COPS3: variants seen among roughly 807,000 people sequenced by gnomAD.
COPS3 encodes COP9 signalosome subunit 3.
In COPS3, 10 loss-of-function variants were observed where a neutral mutation model predicts 58.2. That is an observed-to-expected ratio of 0.17 (90% CI 0.11 to 0.29). The LOEUF is 0.29. Among genes scored for constraint, COPS3 ranks in the 10% least tolerant of loss-of-function variants. COPS3 has a pLI of 1.00. For synonymous variants in COPS3, 187 were observed against 181.7 expected, an observed-to-expected ratio of 1.03 and a Z score of -0.24; for missense variants, 333 against 510.1, an observed-to-expected ratio of 0.65 and a Z score of 3.34.
chr17:17,280,555 AG>A (rs1597712286), intron 1 of COPS3: 2 of 1,261,814 alleles, frequency 1.6e-6, no homozygotes, highest in South Asian at 1.3e-5. Context: ...AAAACAAAGA[AG>A]AAGAAATGGA....
At chr17:17,253,864 G>A (rs1256427187) in intron 9 of COPS3, among the ~76,000 whole-genome samples, 2 of 152,012 alleles carry the variant, frequency 1.3e-5, no homozygotes, top group African/African-American at 2.4e-5. Flanking sequence ...AAATATAGCC[G>A]CCTGTAATAC....
chr17:17,281,055 C>A (rs1597713879), intron 1 of COPS3, 77 bp downstream of exon 1: 1 of 1,494,496 alleles, frequency 6.7e-7, no homozygotes. Context: ...CTGTTCCAGC[C>A]GTCCGTGCTG....
intron 8 of COPS3, among the ~76,000 whole-genome samples, chr17:17,258,898 G>A (rs1334767825): frequency 6.6e-6 from 1 of 151,988 alleles, no homozygotes; most frequent in Non-Finnish European, 1.5e-5. Flanking sequence ...TTCTATTCTA[G>A]AAGCTATGGC....
At chr17:17,279,679 T>C (rs1456700790) in intron 1 of COPS3, among the ~76,000 whole-genome samples, 1 of 152,208 alleles carries the variant, frequency 6.6e-6, no homozygotes, top group Non-Finnish European at 1.5e-5. Context: ...TCCTAGAACT[T>C]TGCAATTAAT....
intron 2 of COPS3, 128 bp from the exon 3 acceptor site, chr17:17,271,136 G>T: frequency 1.3e-6 from 1 of 746,756 alleles, no homozygotes; most frequent in Non-Finnish European, 2.3e-6. Context: ...GTATTTTTTA[G>T]AATTAAGAAC....
chr17:17,258,347 G>A (rs188842867), intron 8 of COPS3, among the ~76,000 whole-genome samples: 122 of 152,302 alleles, frequency 8.0e-4, no homozygotes, highest in Non-Finnish European at 1.2e-3. Flanking sequence ...CCCCCAGACT[G>A]GAGTGCAGTG....
intron 11 of COPS3, 135 bp downstream of exon 11, chr17:17,247,345 G>T: frequency 1.0e-6 from 1 of 957,834 alleles, no homozygotes; most frequent in Non-Finnish European, 1.6e-6. Flanking sequence ...CTCTCAACTA[G>T]TATTTCTCCA....
intron 1 of COPS3, among the ~76,000 whole-genome samples, chr17:17,278,851 G>A (rs888849736): frequency 6.6e-6 from 1 of 151,206 alleles, no homozygotes; most frequent in African/African-American, 2.4e-5. Context: ...TGTAACCAGA[G>A]ATGTGGCCAA....
Position 17,252,245 on chromosome 17 carries a change from AAAAC to A in COPS3, c.1023+2610_1023+2613del, listed in dbSNP as rs367740171. ...TGTACTTTTCCAATGTTTACTTTAA[AAAAC>A]AAACAAACAAAAAAAAACCCTGGTC... On this transcript the variant is annotated intron_variant, in intron 9 of 11. Coordinates refer to ENST00000268717, the MANE Select transcript of COPS3 (RefSeq NM_003653.4). 5.1e-4 allele frequency among the ~76,000 whole-genome samples: 77 copies of A among 152,256 alleles called. 1 individual carries two copies. The East Asian group carries it at 0.011, about 21-fold the overall frequency.
rs758936908 is a variant in COPS3, at chr17:17,247,443, C to G, written c.1218+37G>C. The G allele has an allele frequency of 6.3e-6, 10 of 1,590,130 alleles. No homozygotes were observed. The Admixed American group carries it at 1.7e-4, about 27-fold the overall frequency. On this transcript the variant is annotated intron_variant, in intron 11 of 11. Coordinates refer to ENST00000268717, the MANE Select transcript of COPS3 (RefSeq NM_003653.4). The stretch of plus-strand genomic sequence containing the variant: ...ATGTGACAACACCCCTCCTTCTCCA[C>G]CCAGCCTACTTCTTGTAATAAGGGA...
chr17:17,270,842 A>G, intron 3 of COPS3, 35 bp from the exon 4 acceptor site: 1 of 1,603,806 alleles, frequency 6.2e-7, no homozygotes, highest in Non-Finnish European at 8.5e-7. Context: ...AAATATAAAT[A>G]TAACCACAAG....
At chr17:17,261,737 C>T (rs2048105828) in intron 7 of COPS3, 1 of 479,468 alleles carries the variant, frequency 2.1e-6, no homozygotes, top group African/African-American at 2.0e-5. Context: ...GCTTAAACAT[C>T]TATAGCTGTA....
intron 2 of COPS3, among the ~76,000 whole-genome samples, chr17:17,271,853 T>TATAG (rs1567860733): frequency 7.1e-6 from 1 of 140,902 alleles, no homozygotes; most frequent in Non-Finnish European, 1.5e-5. Flanking sequence ...TATATATATA[T>TATAG]ATATACACAC....
intron 1 of COPS3, among the ~76,000 whole-genome samples, chr17:17,280,169 T>C (rs1442252349): frequency 6.6e-6 from 1 of 152,100 alleles, no homozygotes; most frequent in African/African-American, 2.4e-5. Context: ...CCCAGCACTT[T>C]GGGAGGCCGA....
intron 7 of COPS3, 25 bp downstream of exon 7, chr17:17,261,941 A>G: frequency 6.4e-7 from 1 of 1,560,588 alleles, no homozygotes. Flanking sequence ...TCACGTAAGA[A>G]ATCAGTTTTA....
At chr17:17,262,467 T>C (rs998995653) in intron 6 of COPS3, among the ~76,000 whole-genome samples, 3 of 152,190 alleles carry the variant, frequency 2.0e-5, no homozygotes, top group East Asian at 3.9e-4. Flanking sequence ...CGGTGGCTTA[T>C]GCCTGTAATC....
At chr17:17,253,949 C>T (rs1300728931) in intron 9 of COPS3, among the ~76,000 whole-genome samples, 1 of 152,004 alleles carries the variant, frequency 6.6e-6, no homozygotes, top group East Asian at 1.9e-4. Context: ...TAAGATCACA[C>T]CACTGCACTC....
At position 17,266,381 on chromosome 17, in the gene COPS3, C is replaced by T. The variant is rs936687652; in HGVS notation, c.442-1400G>A. Among the ~76,000 whole-genome samples, 9 of 152,066 alleles carry T rather than the reference C, an allele frequency of 5.9e-5. 1 individual carries two copies. Among genetic ancestry groups the T allele is most frequent in the Admixed American group, 2.0e-4 (3 of 15,254 alleles). On this transcript the variant is annotated intron_variant, in intron 5 of 11. Transcript: ENST00000268717. ...CATAAAAAGTTTTTGGAAGGATACA[C>T]GAGAAATAACTAACATAGTTTCCTT... is the stretch of plus-strand genomic sequence containing the variant.
Position 17,269,733 on chromosome 17 carries a change from G to A in COPS3, c.348+1025C>T, listed in dbSNP as rs1019399131. Reference sequence around the variant, plus strand: ...CAGTCTAATGCAATCCATGGTCCACGGTTTTCTTTTGCTATATAATATATA... The same window carrying A: ...CAGTCTAATGCAATCCATGGTCCACAGTTTTCTTTTGCTATATAATATATA... On this transcript the variant is annotated intron_variant, in intron 4 of 11. Coordinates refer to ENST00000268717, the MANE Select transcript of COPS3 (RefSeq NM_003653.4). 2.0e-5 allele frequency among the ~76,000 whole-genome samples: 3 copies of A among 152,290 alleles called. No individual in the cohort carries two copies. The East Asian group carries it at 5.8e-4, about 29-fold the overall frequency.
Sources: gnomAD v4.1 joint callset for allele counts (sites outside exome capture counted in the v4.1 genomes callset) on GRCh38, gnomAD v4.1.1 for gene constraint, MANE v1.5 for transcripts, NCBI Gene and HGNC (gene_info 2026-07-23, HGNC 2026-07-21) for gene names.